The following RAD23A variants were observed in gnomAD, a reference collection of about 807,000 sequenced individuals.
The protein encoded by RAD23A is RAD23 nucleotide excision repair protein A, also known as lysine-specific demethylase RAD23A.
RAD23A carries 16 observed loss-of-function variants against 44.8 expected under a neutral mutation model. The observed-to-expected ratio is 0.36, with a 90% CI of 0.24 to 0.54. The LOEUF (loss-of-function observed/expected upper bound fraction) is 0.54, where lower values mean the gene tolerates loss of function less well. Among genes scored for constraint, RAD23A ranks in the 20% least tolerant of loss-of-function variants. The pLI is 0.89. For missense variants in RAD23A, 380 were observed against 483.3 expected, an observed-to-expected ratio of 0.79 and a Z score of 2.00; for synonymous variants, 217 against 202.9, an observed-to-expected ratio of 1.07 and a Z score of -0.59.
intron 7 of RAD23A, 35 bp downstream of exon 7, chr19:12,949,443 C>T: frequency 6.3e-7 from 1 of 1,599,484 alleles, no homozygotes; most frequent in South Asian, 1.1e-5. Context: ...CTAGGGCAGC[C>T]ACCATTTCCC....
At chr19:12,950,666 G>A (rs1413221256) in intron 7 of RAD23A, among the ~76,000 whole-genome samples, 4 of 152,148 alleles carry the variant, frequency 2.6e-5, no homozygotes, top group Admixed American at 2.6e-4. Flanking sequence ...CTCCCAAAGT[G>A]CTGCAATTAC....
rs770198630 is a variant in RAD23A, at chr19:12,952,829, G to T, written c.954G>T (p.Pro318=). 3.1e-6 allele frequency: 5 copies of T among 1,606,042 alleles called. No homozygotes were observed. Among genetic ancestry groups the T allele is most frequent in the Non-Finnish European group, 4.3e-6 (5 of 1,175,766 alleles). ...AGATGAACTACATCCAGGTGACGCC[G>T]CAGGAGAAAGAAGCTATAGAGAGGG... ...APQMNYIQVT[P]QEKEAIERLK... The change falls in exon 8 of 9, where the codon CCG becomes CCT. Residue 318 remains proline, a synonymous_variant. Transcript: ENST00000586534.
rs915411735 is a variant in RAD23A, at chr19:12,948,420, A to G, written c.416+62A>G. 6 of 1,544,784 alleles carry G rather than the reference A, an allele frequency of 3.9e-6. No individual in the cohort carries two copies. In the African/African-American group the frequency reaches 5.5e-5, roughly 14 times the overall value. On this transcript the variant is annotated intron_variant, in intron 3 of 8. Coordinates refer to ENST00000586534, the MANE Select transcript of RAD23A (RefSeq NM_005053.4). The surrounding 1 kb of genome is among the most constrained non-coding windows in gnomAD (Gnocchi z 5.5). ...CCTCCTAGCACATTCCAGCGTCCAC[A>G]TAAGTGGTCCCACACACCTGGAGGG...
At chr19:12,952,378 G>A (rs1971836638) in intron 7 of RAD23A, 1 of 255,772 alleles carries the variant, frequency 3.9e-6, no homozygotes, top group Admixed American at 5.0e-5. Context: ...TCTTAGTAGA[G>A]ATGGGGGTTC....
intron 7 of RAD23A, 43 bp from the exon 8 acceptor site, chr19:12,952,646 C>G: frequency 1.3e-6 from 2 of 1,560,748 alleles, no homozygotes; most frequent in East Asian, 2.2e-5. Context: ...GAGGAGGGGA[C>G]CAGGGCTGTG....
chr19:12,948,697 G>A lies in RAD23A; in HGVS notation c.484G>A (p.Glu162Lys). The change falls in exon 5 of 9, where the codon GAG becomes AAG. Residue 162 changes from glutamate to lysine, a missense_variant. Transcript: ENST00000586534. This position sits in a 1 kb window ranked among gnomAD's most constrained non-coding sequence, Gnocchi z 5.5. ...DAASTLVTGS[E>K]YETMLTEIMS... ...TGCTTCCTCCACAGTGACGGGCTCT[G>A]AGTATGAGACGATGCTGACGGAGAT... The A allele has an allele frequency of 6.2e-7, 1 of 1,612,858 alleles. No homozygotes were observed. The highest frequency in any genetic ancestry group is 8.5e-7 in the Non-Finnish European group (1 of 1,179,742).
At position 12,948,016 on chromosome 19, in the gene RAD23A, G is replaced by A. The variant is rs1971710187; in HGVS notation, c.234+7G>A. ...GGTCGTCATGGTGACCAAGGTGGGT[G>A]ACGTGTGCTGGCTGGGAGGGTGGGT... On this transcript the variant is annotated splice_region_variant and intron_variant, in intron 2 of 8. Transcript: ENST00000586534. The surrounding 1 kb of genome is among the most constrained non-coding windows in gnomAD (Gnocchi z 5.5). 4 of 1,612,798 alleles carry A rather than the reference G, an allele frequency of 2.5e-6. No individual in the cohort carries two copies. The highest frequency in any genetic ancestry group is 2.2e-5 in the South Asian group (2 of 91,042).
intron 1 of RAD23A, among the ~76,000 whole-genome samples, chr19:12,946,781 T>C (rs1971685129): frequency 6.6e-6 from 1 of 152,204 alleles, no homozygotes; most frequent in African/African-American, 2.4e-5. Context: ...TTGGCGCTTT[T>C]TGCATAGTGA....
In RAD23A at chr19:12,948,148, T is replaced by C; in HGVS notation, c.235-29T>C. ...TTGTTGGGTCTGATAGGGTTGCTGA[T>C]GCCAGCTCCCTTTTTCTTGCTGTTG... On this transcript the variant is annotated intron_variant, in intron 2 of 8. Transcript: ENST00000586534. The surrounding 1 kb of genome is among the most constrained non-coding windows in gnomAD (Gnocchi z 5.5). 1 of 1,613,772 alleles carries C rather than the reference T, an allele frequency of 6.2e-7. No homozygotes were observed. The highest frequency in any genetic ancestry group is 8.5e-7 in the Non-Finnish European group (1 of 1,179,846).
chr19:12,948,994 C>T lies in RAD23A; in HGVS notation c.601-87C>T, dbSNP rs1053026099. ...ATGGGTGGGCCTCTGGAGGGCAGGGCCGAGGCCTCATCTGTGTCCTGCCAG... is the reference window on the plus strand; with the variant it reads ...ATGGGTGGGCCTCTGGAGGGCAGGGTCGAGGCCTCATCTGTGTCCTGCCAG... On this transcript the variant is annotated intron_variant, in intron 5 of 8. Transcript: ENST00000586534. The surrounding 1 kb of genome is among the most constrained non-coding windows in gnomAD (Gnocchi z 5.5). The T allele has an allele frequency of 3.2e-6, 5 of 1,543,438 alleles. No homozygotes were observed. Among genetic ancestry groups the T allele is most frequent in the Non-Finnish European group, 4.4e-6 (5 of 1,133,306 alleles).
chr19:12,950,478 C>T (rs1971780061), intron 7 of RAD23A, among the ~76,000 whole-genome samples: 1 of 151,998 alleles, frequency 6.6e-6, no homozygotes, highest in African/African-American at 2.4e-5. Context: ...AATCCCGGCT[C>T]ACTGCAACCT....
Position 12,953,166 on chromosome 19 carries a change from A to C in RAD23A, c.*117A>C. Reference sequence around the variant, plus strand: ...TAAGAAATGGAAAAAAAAATCAAAAATCTTAAAAAAACAAGCAAACAGTCC... The same window carrying C: ...TAAGAAATGGAAAAAAAAATCAAAACTCTTAAAAAAACAAGCAAACAGTCC... On this transcript the variant is annotated 3_prime_UTR_variant, in exon 9 of 9. Transcript: ENST00000586534. The C allele has an allele frequency of 2.7e-6, 2 of 739,778 alleles. No homozygotes were observed. The highest frequency in any genetic ancestry group is 2.1e-6 in the Non-Finnish European group (1 of 485,434). The allele number at this position is 739,778 out of a possible 1,614,324, so 45.8% of individuals were successfully genotyped here.
intron 8 of RAD23A, 25 bp downstream of exon 8, chr19:12,952,878 C>A: frequency 6.2e-7 from 1 of 1,604,874 alleles, no homozygotes; most frequent in South Asian, 1.1e-5. Flanking sequence ...TGAGGGGTGA[C>A]TGCAGGTGGG....
chr19:12,952,883 G>A, intron 8 of RAD23A, 30 bp downstream of exon 8: 1 of 1,605,234 alleles, frequency 6.2e-7, no homozygotes, highest in South Asian at 1.1e-5. Flanking sequence ...GGTGACTGCA[G>A]GTGGGCAGGA....
At position 12,945,974 on chromosome 19, in the gene RAD23A, C is replaced by T; in HGVS notation, c.26C>T (p.Thr9Met). MAVTITLK[T>M]LQQQTFKIRM... ...ATGGCCGTCACCATCACGCTCAAAA[C>T]GCTGCAGCAGCAGACCTTCAAGATC... The change falls in exon 1 of 9, where the codon ACG (threonine) becomes ATG (methionine). Residue 9 changes from threonine (T) to methionine (M), a missense_variant. Physicochemically the swap from Thr to Met is moderately conservative, Grantham distance 81 (BLOSUM62 -1). This residue lies in a region of RAD23A where 70 missense variants were observed against 106.0 expected (regional missense o/e 0.66). Transcript: ENST00000586534. 2 of 1,606,772 alleles carry T rather than the reference C, an allele frequency of 1.2e-6. No individual in the cohort carries two copies. Among genetic ancestry groups the T allele is most frequent in the Non-Finnish European group, 1.7e-6 (2 of 1,177,240 alleles).
At chr19:12,952,142 CGAACTCCAGGCTGGTCTA>C (rs1568455047) in intron 7 of RAD23A, among the ~76,000 whole-genome samples, 1 of 152,114 alleles carries the variant, frequency 6.6e-6, no homozygotes, top group African/African-American at 2.4e-5. Flanking sequence ...AGGCTGGTCT[CGAACTCCAGGCTGGTCTA>C]GAATCACCTG....
intron 7 of RAD23A, among the ~76,000 whole-genome samples, chr19:12,951,212 A>C (rs1395815786): frequency 1.3e-5 from 2 of 152,108 alleles, no homozygotes; most frequent in Non-Finnish European, 2.9e-5. Flanking sequence ...CTTGGGCCCA[A>C]GCAGTCCCTC....
At chr19:12,946,084 G>GGGGGGGGGGGGGGCC in intron 1 of RAD23A, 64 bp downstream of exon 1, 66 of 511,954 alleles carry the variant, frequency 1.3e-4, no homozygotes, top group Middle Eastern at 5.9e-4. Flanking sequence ...TGGGGGCGGG[G>GGGGGGGGGGGGGGCC]AGGCTAGAAT....
At chr19:12,949,745 A>G (rs1271210611) in intron 7 of RAD23A, among the ~76,000 whole-genome samples, 1 of 152,114 alleles carries the variant, frequency 6.6e-6, no homozygotes, top group Non-Finnish European at 1.5e-5. Context: ...CTGGCTTCAC[A>G]TACAGATGGT....
Sources: gnomAD v4.1 joint callset for allele counts (sites outside exome capture counted in the v4.1 genomes callset) on GRCh38, gnomAD v4.1.1 for gene constraint, gnomAD v4.1.1 regional missense constraint, Gnocchi (gnomAD v3.1) non-coding constraint, MANE v1.5 for transcripts, NCBI Gene and HGNC (gene_info 2026-07-23, HGNC 2026-07-21) for gene names.